GPC4: variants seen among roughly 807,000 people sequenced by gnomAD.
GPC4 encodes the protein glypican-4.
A neutral mutation model predicts 35.0 loss-of-function variants in GPC4; 10 were observed. The ratio of observed to expected loss-of-function variants is 0.29; its 90% CI spans 0.18 to 0.48. The LOEUF (loss-of-function observed/expected upper bound fraction) is 0.48, where lower values mean the gene tolerates loss of function less well. Among genes scored for constraint, GPC4 ranks in the 20% least tolerant of loss-of-function variants. The pLI, the probability that GPC4 is intolerant of heterozygous loss-of-function variation, is 0.99. For missense variants in GPC4, 322 were observed against 451.3 expected (o/e 0.71, Z 2.60); for synonymous variants, 167 against 170.2 (o/e 0.98, Z 0.15).
intron 2 of GPC4, among the ~76,000 whole-genome samples, chrX:133,337,045 C>T (rs892633049): frequency 9.0e-6 from 1 of 111,468 alleles, no homozygotes; most frequent in Non-Finnish European, 1.9e-5. Context: ...TCTCGAACTC[C>T]TGGGCTCAAG....
chrX:133,415,084 G>T lies in GPC4; in HGVS notation c.-119C>A. 2.8e-6 allele frequency: 2 copies of T among 719,812 alleles called. No homozygotes were observed. The highest frequency in any genetic ancestry group is 4.0e-6 in the Non-Finnish European group (2 of 499,056). 59.3% of individuals were successfully genotyped at this position (719,812 alleles called of 1,213,427 possible). On this transcript the variant is annotated 5_prime_UTR_variant, in exon 1 of 9. Coordinates refer to ENST00000370828, the MANE Select transcript of GPC4 (RefSeq NM_001448.3). Reference sequence around the variant, plus strand: ...GCGAGTGGAGCTGGAGGGAGAAGGAGTTGGAGTTGGTGGAAGAGGCGAGCA... The same window carrying T: ...GCGAGTGGAGCTGGAGGGAGAAGGATTTGGAGTTGGTGGAAGAGGCGAGCA...
chrX:133,413,561 C>G (rs986978184), intron 1 of GPC4, among the ~76,000 whole-genome samples: 1 of 111,060 alleles, frequency 9.0e-6, no homozygotes, highest in South Asian at 3.9e-4. Flanking sequence ...CCGCCCCACC[C>G]GGAGACCAGC....
Position 133,319,418 on chromosome X carries a change from T to TG in GPC4, c.711+4726dup, listed in dbSNP as rs558523926. 3.7e-4 allele frequency among the ~76,000 whole-genome samples: 29 copies of TG among 78,122 alleles called. No homozygotes were observed. In the South Asian group the frequency reaches 0.024, roughly 64 times the overall value. The allele number at this position is 78,122 out of a possible 115,157, so 67.8% of individuals were successfully genotyped here. ...ATGATCACGCCACTGCACTCCAGCC[T>TG]GGGTGACAGAGCAAGACCCTATGTC... On this transcript the variant is annotated intron_variant, in intron 3 of 8. Transcript: ENST00000370828.
intron 1 of GPC4, among the ~76,000 whole-genome samples, chrX:133,340,847 A>C (rs1417110985): frequency 3.6e-5 from 4 of 111,950 alleles, no homozygotes; most frequent in Non-Finnish European, 7.5e-5. Flanking sequence ...TAGTGCCCCC[A>C]AAAAAGGGGA....
intron 3 of GPC4, among the ~76,000 whole-genome samples, chrX:133,322,445 A>C (rs890526902): frequency 2.8e-5 from 3 of 107,924 alleles, no homozygotes; most frequent in Non-Finnish European, 5.8e-5. Flanking sequence ...TTCCAAAAAA[A>C]AAAAAAAAAA....
chrX:133,329,715 T>C (rs920942793), intron 2 of GPC4, among the ~76,000 whole-genome samples: 8 of 111,554 alleles, frequency 7.2e-5, no homozygotes, highest in Non-Finnish European at 1.5e-4. Flanking sequence ...TTCATTTGCA[T>C]ACTACCTTCT....
At chrX:133,340,991 AGAAAAAAAAGG>A (rs1476106745) in intron 1 of GPC4, among the ~76,000 whole-genome samples, 1 of 109,239 alleles carries the variant, frequency 9.2e-6, no homozygotes, top group Non-Finnish European at 1.9e-5. Flanking sequence ...TTCTACTAAC[AGAAAAAAAAGG>A]GAAAAAAAAG....
chrX:133,352,825 A>C (rs1253974036), intron 1 of GPC4, among the ~76,000 whole-genome samples: 9 of 111,466 alleles, frequency 8.1e-5, no homozygotes. Flanking sequence ...ACTCAAAGGC[A>C]AGGTATTGAT....
chrX:133,337,579 A>G (rs759075623), intron 2 of GPC4, among the ~76,000 whole-genome samples: 2 of 111,616 alleles, frequency 1.8e-5, no homozygotes, highest in Non-Finnish European at 3.8e-5. Flanking sequence ...TTTTCCTTCT[A>G]AATTCCATTA....
intron 1 of GPC4, among the ~76,000 whole-genome samples, chrX:133,398,104 G>A (rs1469052800): frequency 8.1e-5 from 9 of 111,332 alleles, no homozygotes; most frequent in African/African-American, 2.9e-4. Context: ...TTTAAAATAG[G>A]GCATATACCA....
chrX:133,329,522 T>C (rs928496253), intron 2 of GPC4, among the ~76,000 whole-genome samples: 20 of 111,344 alleles, frequency 1.8e-4, no homozygotes, highest in African/African-American at 5.6e-4. Flanking sequence ...CCTTTAAAGG[T>C]TGTGAAACGT....
At chrX:133,340,960 A>G (rs746533602) in intron 1 of GPC4, among the ~76,000 whole-genome samples, 1 of 111,054 alleles carries the variant, frequency 9.0e-6, no homozygotes, top group African/African-American at 3.3e-5. Context: ...GGCATTTCTG[A>G]AAACCTTGGT....
At chrX:133,397,162 C>T (rs917579550) in intron 1 of GPC4, among the ~76,000 whole-genome samples, 1 of 112,406 alleles carries the variant, frequency 8.9e-6, no homozygotes, top group Non-Finnish European at 1.9e-5. Flanking sequence ...CAGCAGCTCA[C>T]ACCTGTAATC....
chrX:133,395,258 T>G (rs1476559589), intron 1 of GPC4, among the ~76,000 whole-genome samples: 1 of 111,902 alleles, frequency 8.9e-6, no homozygotes, highest in African/African-American at 3.2e-5. Flanking sequence ...TAATAACAAT[T>G]ATCACCATGA....
chrX:133,327,193 T>C (rs949595687), intron 2 of GPC4, among the ~76,000 whole-genome samples: 2 of 112,186 alleles, frequency 1.8e-5, no homozygotes, highest in Non-Finnish European at 3.8e-5. Flanking sequence ...TCAGCAGAAA[T>C]TGGACATTCA....
intron 2 of GPC4, among the ~76,000 whole-genome samples, chrX:133,335,352 G>A (rs113769605): frequency 1.8e-5 from 2 of 111,345 alleles, no homozygotes; most frequent in Non-Finnish European, 3.8e-5. Flanking sequence ...ACAGAGGCCA[G>A]TCTTTAAACT....
intron 1 of GPC4, among the ~76,000 whole-genome samples, chrX:133,357,492 A>G (rs181088674): frequency 6.4e-5 from 7 of 109,596 alleles, no homozygotes; most frequent in Non-Finnish European, 1.1e-4. Flanking sequence ...TGTTCAAATG[A>G]TCCTCCCACC....
At chrX:133,379,643 T>C (rs1264994906) in intron 1 of GPC4, among the ~76,000 whole-genome samples, 4 of 111,858 alleles carry the variant, frequency 3.6e-5, no homozygotes. Flanking sequence ...TGCTGACTGA[T>C]CCTGTGCAAG....
rs1036835122 is a variant in GPC4 at position 133,356,661 on chromosome X, G to A, written c.161-17320C>T. On this transcript the variant is annotated intron_variant, in intron 1 of 8. Coordinates refer to ENST00000370828, the MANE Select transcript of GPC4 (RefSeq NM_001448.3). ...CCACCATGAGTGAACGCTTCCTGAG[G>A]CCCTCACCAGAAGCAGATACTGACA... is the stretch of plus-strand genomic sequence containing the variant. Among the ~76,000 whole-genome samples the A allele has an allele frequency of 6.3e-5, 7 of 111,146 alleles. No homozygotes were observed. In the Admixed American group the frequency reaches 6.7e-4, roughly 11 times the overall value.
Sources: allele counts gnomAD v4.1 joint callset (sites outside exome capture counted in the v4.1 genomes callset), GRCh38; gene constraint gnomAD v4.1.1; transcripts MANE v1.5; gene names NCBI Gene and HGNC (gene_info 2026-07-23, HGNC 2026-07-21).